Variants in GCNA observed in about 807,000 individuals in gnomAD.
GCNA encodes germ cell nuclear acidic peptidase, also known as germ cell nuclear acidic protein.
GCNA carries 3 observed loss-of-function variants against 38.8 expected under a neutral mutation model. The ratio of observed to expected loss-of-function variants is 0.08; its 90% CI spans 0.04 to 0.20. The LOEUF (loss-of-function observed/expected upper bound fraction) is 0.20. Ranked by LOEUF, GCNA falls within the 10% of genes least tolerant of loss-of-function variation. GCNA has a pLI of 1.00. For missense variants in GCNA, 446 were observed against 578.6 expected (o/e 0.77, Z 2.35); for synonymous variants, 195 against 240.2 (o/e 0.81, Z 1.74).
intron 2 of GCNA, among the ~76,000 whole-genome samples, chrX:71,587,503 T>C (rs769944777): frequency 9.0e-6 from 1 of 111,578 alleles, no homozygotes; most frequent in African/African-American, 3.3e-5. Context: ...CTTGATGATA[T>C]GATATTTAAA....
At chrX:71,612,146 T>G (rs1026594072) in intron 11 of GCNA, among the ~76,000 whole-genome samples, 1 of 106,131 alleles carries the variant, frequency 9.4e-6, no homozygotes, top group African/African-American at 3.5e-5. Context: ...GGAATGGTGG[T>G]GCATGCCTGT....
chrX:71,610,844 C>T (rs1418878458), intron 11 of GCNA, 25 bp downstream of exon 11: 1 of 1,207,046 alleles, frequency 8.3e-7, no homozygotes, highest in Non-Finnish European at 1.1e-6. Flanking sequence ...GTGGTAGCTT[C>T]ACCACTGTGC....
rs1182354041 is a variant in GCNA, at chrX:71,612,490, G to C, written c.1886G>C (p.Arg629Thr). 1.7e-6 allele frequency: 2 copies of C among 1,210,233 alleles called. No homozygotes were observed. The highest frequency in any genetic ancestry group is 1.8e-5 in the South Asian group (1 of 56,689). ...KSNRIHPELP[R>T]VTRCHNYKIN... is the part of the protein sequence containing the mutation. ...AACAGGATACACCCGGAGCTGCCCA[G>C]GGTCACCCGTTGCCATAACTATAAG... Residue 629 changes from arginine to threonine, a missense_variant, in exon 12 of 13, where the codon AGG becomes ACG. Physicochemically the swap from Arg to Thr is moderately conservative, Grantham distance 71 (BLOSUM62 -1). Transcript: ENST00000373696.
intron 11 of GCNA, 63 bp from the exon 12 acceptor site, chrX:71,612,283 GAAAAAAAAA>G (rs756270122): frequency 1.1e-3 from 314 of 294,786 alleles, no homozygotes; most frequent in Non-Finnish European, 1.4e-3. Flanking sequence ...CTCAAAAAAG[GAAAAAAAAA>G]AAAAAAAAAA....
chrX:71,608,720 G>A (rs1350159746), intron 9 of GCNA, among the ~76,000 whole-genome samples: 1 of 112,395 alleles, frequency 8.9e-6, no homozygotes, highest in African/African-American at 3.2e-5. Flanking sequence ...TAGGTCTCAG[G>A]AGAGAGCTCC....
intron 2 of GCNA, 99 bp downstream of exon 2, chrX:71,580,979 A>G: frequency 2.4e-6 from 2 of 818,882 alleles, no homozygotes; most frequent in Non-Finnish European, 3.5e-6. Flanking sequence ...GTATCTGTAG[A>G]GCGTATAACT....
intron 7 of GCNA, among the ~76,000 whole-genome samples, chrX:71,601,647 C>T (rs1009986186): frequency 2.7e-5 from 3 of 110,211 alleles, no homozygotes; most frequent in African/African-American, 9.9e-5. Flanking sequence ...TGGGTTCAAG[C>T]GATTTCTCCT....
intron 7 of GCNA, among the ~76,000 whole-genome samples, chrX:71,600,293 A>AT (rs1269866454): frequency 9.0e-6 from 1 of 111,465 alleles, no homozygotes; most frequent in African/African-American, 3.3e-5. Context: ...AGAGTTGTCA[A>AT]TTTTTAATTT....
chrX:71,582,462 T>C (rs747815870), intron 2 of GCNA, among the ~76,000 whole-genome samples: 1 of 110,375 alleles, frequency 9.1e-6, no homozygotes, highest in East Asian at 2.8e-4. Context: ...TTGCAAAAAG[T>C]TTGATGATAC....
chrX:71,595,610 C>T, intron 6 of GCNA, among the ~76,000 whole-genome samples: 1 of 111,927 alleles, frequency 8.9e-6, no homozygotes, highest in South Asian at 3.7e-4. Context: ...TGCTACTGTT[C>T]CTATTAATGA....
chrX:71,603,678 A>T lies in GCNA; in HGVS notation c.401A>T (p.Asn134Ile). The T allele has an allele frequency of 8.3e-7, 1 of 1,210,504 alleles. No homozygotes were observed. The highest frequency in any genetic ancestry group is 1.8e-5 in the South Asian group (1 of 57,014). ...SDDDNDDDNG[N>I]DLEVPDDNSD... ...GATGACAATGACGATGACAACGGTA[A>T]TGATTTGGAAGTTCCCGACGACAAC... The change falls in exon 8 of 13, where the codon AAT becomes ATT. Residue 134 changes from asparagine to isoleucine, a missense_variant. By Grantham distance (149) the Asn-to-Ile change is moderately radical. This residue lies in a region of GCNA where 118 missense variants were observed against 122.8 expected (regional missense o/e 0.96). Coordinates refer to ENST00000373696, the MANE Select transcript of GCNA (RefSeq NM_052957.5).
At chrX:71,580,582 T>C (rs1432495896) in intron 1 of GCNA, 4 of 265,235 alleles carry the variant, frequency 1.5e-5, no homozygotes, top group Admixed American at 1.2e-4. Context: ...TCACGCCATT[T>C]TCCTGCCTCA....
intron 11 of GCNA, among the ~76,000 whole-genome samples, chrX:71,611,465 C>T (rs1469619233): frequency 9.0e-6 from 1 of 111,591 alleles, no homozygotes; most frequent in Non-Finnish European, 1.9e-5. Flanking sequence ...CCCAAGAGTT[C>T]GAGGCCGTAG....
chrX:71,599,490 C>T (rs1266722323), intron 7 of GCNA, among the ~76,000 whole-genome samples: 3 of 111,801 alleles, frequency 2.7e-5, no homozygotes, highest in Admixed American at 9.5e-5. Context: ...GTGCTTTACT[C>T]CTTAAATCAG....
At chrX:71,582,956 A>C (rs746801544) in intron 2 of GCNA, among the ~76,000 whole-genome samples, 4 of 112,105 alleles carry the variant, frequency 3.6e-5, no homozygotes, top group African/African-American at 6.5e-5. Context: ...CACTGTTTGT[A>C]ATAGCACAAA....
intron 9 of GCNA, among the ~76,000 whole-genome samples, chrX:71,606,033 T>C (rs1446824992): frequency 8.9e-6 from 1 of 112,799 alleles, no homozygotes; most frequent in Non-Finnish European, 1.9e-5. Context: ...CCTCTGAGAT[T>C]GCCTATGTCC....
At chrX:71,586,190 C>G (rs1189671197) in intron 2 of GCNA, among the ~76,000 whole-genome samples, 3 of 102,640 alleles carry the variant, frequency 2.9e-5, no homozygotes, top group Non-Finnish European at 5.9e-5. Context: ...TTATGAAAGT[C>G]TAGAAGTGAT....
At chrX:71,608,562 C>T (rs1476705759) in intron 9 of GCNA, among the ~76,000 whole-genome samples, 1 of 113,015 alleles carries the variant, frequency 8.8e-6, no homozygotes, top group Non-Finnish European at 1.9e-5. Context: ...CGAGCCACCG[C>T]ACCCAGCCAA....
intron 9 of GCNA, among the ~76,000 whole-genome samples, chrX:71,607,364 G>A (rs957576598): frequency 1.8e-5 from 2 of 111,912 alleles, no homozygotes; most frequent in Non-Finnish European, 3.8e-5. Context: ...CTCACGTAGG[G>A]TTTAGTTTGT....
Sources: gnomAD v4.1 joint callset for allele counts (sites outside exome capture counted in the v4.1 genomes callset) on GRCh38, gnomAD v4.1.1 for gene constraint, gnomAD v4.1.1 regional missense constraint, MANE v1.5 for transcripts, NCBI Gene and HGNC (gene_info 2026-07-23, HGNC 2026-07-21) for gene names.